Variants in GMDS observed in about 807,000 individuals in gnomAD.
GMDS encodes the protein GDP-mannose 4,6-dehydratase, also known as GDP-mannose 4,6 dehydratase.
GMDS carries 20 observed loss-of-function variants against 49.9 expected under a neutral mutation model. That is an observed-to-expected ratio of 0.40 (90% CI 0.28 to 0.58). The LOEUF (loss-of-function observed/expected upper bound fraction) is 0.58. Ranked by LOEUF, GMDS falls within the 20% of genes least tolerant of loss-of-function variation. The probability of loss-of-function intolerance (pLI) is 0.42; values close to 1 mark genes in which losing one functional copy is unlikely to be tolerated. For synonymous variants in GMDS, 177 were observed against 178.6 expected, an observed-to-expected ratio of 0.99 and a Z score of 0.07; for missense variants, 362 against 481.4, an observed-to-expected ratio of 0.75 and a Z score of 2.32.
intron 4 of GMDS, among the ~76,000 whole-genome samples, chr6:2,082,162 T>A (rs1772750595): frequency 6.6e-6 from 1 of 152,084 alleles, no homozygotes; most frequent in Admixed American, 6.6e-5. Context: ...GTTCCCTACT[T>A]TACACACACG....
chr6:1,933,767 C>T (rs1347502317), intron 6 of GMDS, among the ~76,000 whole-genome samples: 1 of 152,136 alleles, frequency 6.6e-6, no homozygotes, highest in African/African-American at 2.4e-5. Context: ...ATTCTGGATC[C>T]AAGTCCCTTA....
At chr6:1,630,238 A>G (rs1330925924) in intron 9 of GMDS, among the ~76,000 whole-genome samples, 1 of 152,264 alleles carries the variant, frequency 6.6e-6, no homozygotes, top group Non-Finnish European at 1.5e-5. Context: ...TTCTGGAGAA[A>G]GCCCTTTCTA....
intron 9 of GMDS, among the ~76,000 whole-genome samples, chr6:1,688,864 A>T (rs1765074489): frequency 6.6e-6 from 1 of 152,206 alleles, no homozygotes; most frequent in South Asian, 2.1e-4. Flanking sequence ...TCAGCTCTCT[A>T]CATATTCCTG....
chr6:2,042,243 TTAAAG>T (rs528653202), intron 4 of GMDS, among the ~76,000 whole-genome samples: 202 of 152,360 alleles, frequency 1.3e-3, no homozygotes, highest in Middle Eastern at 3.4e-3. Flanking sequence ...AGTGAATACC[TTAAAG>T]TATTCAACAG....
intron 4 of GMDS, among the ~76,000 whole-genome samples, chr6:2,076,930 C>G (rs1258659055): frequency 6.6e-6 from 1 of 152,162 alleles, no homozygotes; most frequent in African/African-American, 2.4e-5. Context: ...TCTTTTGATT[C>G]ATGAGCATGG....
intron 7 of GMDS, among the ~76,000 whole-genome samples, chr6:1,835,293 C>T (rs1043945839): frequency 6.6e-6 from 1 of 152,132 alleles, no homozygotes; most frequent in African/African-American, 2.4e-5. Context: ...TATGCTGCTG[C>T]AGGTCGGAAC....
intron 7 of GMDS, among the ~76,000 whole-genome samples, chr6:1,747,967 C>T (rs7759446): frequency 0.98 from 149,263 of 152,326 alleles, 73,146 homozygotes; most frequent in East Asian, 1. Context: ...ATAAATTAAT[C>T]AAAGGACCAA....
intron 7 of GMDS, among the ~76,000 whole-genome samples, chr6:1,904,124 C>A (rs1379646605): frequency 1.3e-5 from 2 of 152,232 alleles, no homozygotes; most frequent in East Asian, 3.9e-4. Flanking sequence ...CTTCCAGGGG[C>A]ACGGGACAAG....
At chr6:1,785,573 T>C (rs1029702723) in intron 7 of GMDS, among the ~76,000 whole-genome samples, 1 of 152,138 alleles carries the variant, frequency 6.6e-6, no homozygotes, top group African/African-American at 2.4e-5. Context: ...TTGGGCATCC[T>C]CCCAGGACAA....
intron 4 of GMDS, among the ~76,000 whole-genome samples, chr6:2,006,589 C>A (rs1051279586): frequency 1.3e-5 from 2 of 152,098 alleles, no homozygotes; most frequent in Non-Finnish European, 2.9e-5. Flanking sequence ...CTAGGAAAAC[C>A]TACAAATTAA....
chr6:2,234,107 T>C (rs939705875), intron 1 of GMDS, among the ~76,000 whole-genome samples: 22 of 152,162 alleles, frequency 1.4e-4, no homozygotes, highest in South Asian at 2.1e-4. Context: ...GTATCAACCA[T>C]AAAAATAAAG....
intron 7 of GMDS, among the ~76,000 whole-genome samples, chr6:1,786,091 C>A (rs1261316510): frequency 6.6e-6 from 1 of 152,194 alleles, no homozygotes; most frequent in Non-Finnish European, 1.5e-5. Context: ...CCAGTGCCGT[C>A]CGAGAATTTG....
intron 7 of GMDS, among the ~76,000 whole-genome samples, chr6:1,859,340 TA>T (rs1758082179): frequency 9.9e-5 from 15 of 151,990 alleles, no homozygotes; most frequent in Admixed American, 9.8e-4. Flanking sequence ...CAGAGAACAA[TA>T]AAAATAAAAA....
At chr6:2,042,265 A>G (rs1209051725) in intron 4 of GMDS, among the ~76,000 whole-genome samples, 1 of 152,242 alleles carries the variant, frequency 6.6e-6, no homozygotes, top group Non-Finnish European at 1.5e-5. Flanking sequence ...ACAGTTAAGA[A>G]AAAGGAAAGA....
intron 9 of GMDS, among the ~76,000 whole-genome samples, chr6:1,689,248 C>G (rs1765087485): frequency 6.6e-6 from 1 of 152,202 alleles, no homozygotes; most frequent in South Asian, 2.1e-4. Flanking sequence ...GCAACCACTT[C>G]TCTCTTCCTC....
chr6:1,767,171 T>C (rs192405304), intron 7 of GMDS, among the ~76,000 whole-genome samples: 106 of 152,312 alleles, frequency 7.0e-4, no homozygotes, highest in Admixed American at 6.1e-3. Context: ...GAATATGATT[T>C]TAAAACCGGA....
intron 7 of GMDS, among the ~76,000 whole-genome samples, chr6:1,927,762 CCTTA>C (rs1398651784): frequency 2.6e-5 from 4 of 152,160 alleles, no homozygotes; most frequent in South Asian, 2.1e-4. Flanking sequence ...AAGACTTCCT[CCTTA>C]CTTACTTAAC....
chr6:1,949,074 G>C (rs1673781315), intron 6 of GMDS: 1 of 955,910 alleles, frequency 1.0e-6, no homozygotes, highest in African/African-American at 1.8e-5. Flanking sequence ...AAGGGAAGGA[G>C]TAAAAAAACT....
chr6:2,210,277 C>A (rs543210148), intron 1 of GMDS, among the ~76,000 whole-genome samples: 1 of 152,286 alleles, frequency 6.6e-6, no homozygotes, highest in South Asian at 2.1e-4. Context: ...AGTTTCTGCA[C>A]CTACCTTAGC....
Sources: allele counts gnomAD v4.1 joint callset (sites outside exome capture counted in the v4.1 genomes callset), GRCh38; gene constraint gnomAD v4.1.1; transcripts MANE v1.5; gene names NCBI Gene and HGNC (gene_info 2026-07-23, HGNC 2026-07-21).